XPO5: variants seen among roughly 807,000 people sequenced by gnomAD.
The protein encoded by XPO5 is exportin 5.
A neutral mutation model predicts 160.6 loss-of-function variants in XPO5; 46 were observed. The observed-to-expected ratio is 0.29, with a 90% confidence interval of 0.23 to 0.37. The LOEUF (loss-of-function observed/expected upper bound fraction) is 0.37, where lower values mean the gene tolerates loss of function less well. Among genes scored for constraint, XPO5 ranks in the 10% least tolerant of loss-of-function variants. The probability of loss-of-function intolerance (pLI) is 1.00; values close to 1 mark genes in which losing one functional copy is unlikely to be tolerated. For missense variants in XPO5, 1,090 were observed against 1,463.9 expected (o/e 0.74, Z 4.17); for synonymous variants, 537 against 519.3 (o/e 1.03, Z -0.46).
intron 8 of XPO5, among the ~76,000 whole-genome samples, chr6:43,564,271 T>C (rs960483154): frequency 6.6e-6 from 1 of 152,194 alleles, no homozygotes; most frequent in Non-Finnish European, 1.5e-5. Context: ...GGCTCATGCC[T>C]ATAATCCCAG....
chr6:43,522,648 C>G lies in XPO5; in HGVS notation c.*1220G>C, dbSNP rs1793263585. On this transcript the variant is annotated 3_prime_UTR_variant, in exon 32 of 32. Coordinates refer to ENST00000265351, the MANE Select transcript of XPO5 (RefSeq NM_020750.3). ...CAGCTTTGCTTCTTCTCAATCTGAC[C>G]CTGCCTGTGGCCCGCACCAGCTAAA... 1 of 442,862 alleles carries G rather than the reference C, an allele frequency of 2.3e-6. No homozygotes were observed. The allele number at this position is 442,862 out of a possible 1,614,324, so 27.4% of individuals were successfully genotyped here. A position where few individuals can be genotyped will look rare whatever the true frequency, so the allele number is the denominator to read the frequency against.
Position 43,570,723 on chromosome 6 carries a change from T to C in XPO5, c.439-39A>G, listed in dbSNP as rs746867173. The C allele has an allele frequency of 1.5e-5, 23 of 1,548,820 alleles. No individual in the cohort carries two copies. In the African/African-American group the frequency reaches 2.9e-4, roughly 20 times the overall value. On this transcript the variant is annotated intron_variant, in intron 4 of 31. Transcript: ENST00000265351. ...AATAAGCTAGTTAAAAACTAAAATATCTTTTCATTTTATGTATATCCAAAG... is the reference window on the plus strand; with the variant it reads ...AATAAGCTAGTTAAAAACTAAAATACCTTTTCATTTTATGTATATCCAAAG...
chr6:43,567,137 T>A (rs981961900), intron 7 of XPO5, 32 bp downstream of exon 7: 2 of 1,585,504 alleles, frequency 1.3e-6, no homozygotes, highest in South Asian at 2.3e-5. Flanking sequence ...CTTCAGAGAC[T>A]GAGGATAAGT....
At position 43,541,504 on chromosome 6, in the gene XPO5, A is replaced by T. The variant is rs114520676; in HGVS notation, c.2342+5067T>A. On this transcript the variant is annotated intron_variant, in intron 20 of 31. Transcript: ENST00000265351. ...TTTAATACTTTCAAAGGGTTGCATA[A>T]GTAACCTCTACCTGGTTCCAAAACG... 1.1e-3 allele frequency among the ~76,000 whole-genome samples: 168 copies of T among 152,354 alleles called. 1 individual carries two copies. The highest frequency in any genetic ancestry group is 0.01 in the Middle Eastern group (3 of 294).
chr6:43,537,708 T>C (rs1019722636), intron 20 of XPO5, among the ~76,000 whole-genome samples: 2 of 151,944 alleles, frequency 1.3e-5, no homozygotes, highest in Non-Finnish European at 2.9e-5. Context: ...AGAGATGCAA[T>C]CATCAAAATT....
chr6:43,558,639 G>C (rs773189289), intron 11 of XPO5, 48 bp from the exon 12 acceptor site: 1 of 1,433,696 alleles, frequency 7.0e-7, no homozygotes, highest in African/African-American at 1.4e-5. Flanking sequence ...TGGACCCACT[G>C]AAAGAGTTTT....
intron 17 of XPO5, 33 bp downstream of exon 17, chr6:43,549,456 C>A: frequency 6.4e-7 from 1 of 1,566,756 alleles, no homozygotes. Context: ...TGTAACCAAA[C>A]TTGGCTACTT....
chr6:43,525,400 A>G, intron 28 of XPO5, 186 bp from the exon 29 acceptor site: 1 of 609,058 alleles, frequency 1.6e-6, no homozygotes, highest in Non-Finnish European at 2.9e-6. Context: ...AGCCTCCCGA[A>G]TAGCTGGGAC....
At chr6:43,538,322 T>A (rs925031748) in intron 20 of XPO5, among the ~76,000 whole-genome samples, 60 of 151,782 alleles carry the variant, frequency 4.0e-4, no homozygotes, top group African/African-American at 1.1e-3. Context: ...GTTACTTTTT[T>A]AAATTTTTAG....
chr6:43,538,430 G>A (rs1452350922), intron 20 of XPO5, among the ~76,000 whole-genome samples: 2 of 152,014 alleles, frequency 1.3e-5, no homozygotes, highest in South Asian at 2.1e-4. Flanking sequence ...GATCACAAGC[G>A]TGAGGCACCA....
intron 21 of XPO5, among the ~76,000 whole-genome samples, chr6:43,532,287 C>T (rs1413251201): frequency 1.3e-5 from 2 of 152,208 alleles, no homozygotes; most frequent in Non-Finnish European, 2.9e-5. Flanking sequence ...CTGAAACAGA[C>T]AGACATGAGT....
chr6:43,562,618 G>A (rs1436652848), intron 8 of XPO5, among the ~76,000 whole-genome samples: 1 of 152,212 alleles, frequency 6.6e-6, no homozygotes. Flanking sequence ...GAGGAGGACA[G>A]TATCACATAA....
At chr6:43,541,646 C>T (rs569132386) in intron 20 of XPO5, among the ~76,000 whole-genome samples, 2 of 150,134 alleles carry the variant, frequency 1.3e-5, no homozygotes, top group South Asian at 4.2e-4. Flanking sequence ...CTAGATATTT[C>T]ATAAAAATGA....
chr6:43,528,150 A>G lies in XPO5; in HGVS notation c.2822+9T>C. 6.3e-7 allele frequency: 1 copy of G among 1,588,674 alleles called. No individual in the cohort carries two copies. The highest frequency in any genetic ancestry group is 8.6e-7 in the Non-Finnish European group (1 of 1,166,790). ...CATCCACCAAGAAGAGTGGGTAGGT[A>G]TCCCTTACCACAGCAGGCTCCTTTG... On this transcript the variant is annotated intron_variant, in intron 25 of 31. Transcript: ENST00000265351.
intron 18 of XPO5, among the ~76,000 whole-genome samples, chr6:43,547,974 A>G (rs531981902): frequency 7.9e-5 from 12 of 152,214 alleles, no homozygotes; most frequent in Non-Finnish European, 1.3e-4. Context: ...GTGAGCACAG[A>G]TAAGTGTCTG....
At chr6:43,552,361 C>CT (rs950632028) in intron 14 of XPO5, among the ~76,000 whole-genome samples, 45 of 151,102 alleles carry the variant, frequency 3.0e-4, no homozygotes, top group African/African-American at 6.8e-4. Context: ...CCACCCTTTT[C>CT]TTTTTTTTTA....
At chr6:43,538,953 G>C in intron 20 of XPO5, 2 of 1,354,254 alleles carry the variant, frequency 1.5e-6, no homozygotes, top group East Asian at 2.3e-5. Flanking sequence ...TCGGGGGTCA[G>C]GTAGCTGTAG....
chr6:43,541,485 AC>A (rs1241413254), intron 20 of XPO5, among the ~76,000 whole-genome samples: 1 of 152,226 alleles, frequency 6.6e-6, no homozygotes, highest in Non-Finnish European at 1.5e-5. Context: ...GGTATTTAAT[AC>A]TTTCAAAGGG....
intron 7 of XPO5, among the ~76,000 whole-genome samples, chr6:43,566,032 G>A (rs1244457098): frequency 6.6e-6 from 1 of 151,878 alleles, no homozygotes; most frequent in Non-Finnish European, 1.5e-5. Context: ...CGAGGCAGGC[G>A]GAACAACTGA....
Sources: gnomAD v4.1 joint callset for allele counts (sites outside exome capture counted in the v4.1 genomes callset) on GRCh38, gnomAD v4.1.1 for gene constraint, MANE v1.5 for transcripts, NCBI Gene and HGNC (gene_info 2026-07-23, HGNC 2026-07-21) for gene names.